The following GRIA4 variants were observed in gnomAD, a reference collection of about 807,000 sequenced individuals.
GRIA4 encodes glutamate receptor 4.
A neutral mutation model predicts 104.0 loss-of-function variants in GRIA4; 34 were observed. The observed-to-expected ratio is 0.33, with a 90% CI of 0.25 to 0.44. The LOEUF (loss-of-function observed/expected upper bound fraction) is 0.44, where lower values mean the gene tolerates loss of function less well. Ranked by LOEUF, GRIA4 falls within the 20% of genes least tolerant of loss-of-function variation. The probability of loss-of-function intolerance (pLI) is 1.00; values close to 1 mark genes in which losing one functional copy is unlikely to be tolerated. For missense variants in GRIA4, 750 were observed against 1,096.5 expected (o/e 0.68, Z 4.46); for synonymous variants, 386 against 381.9 (o/e 1.01, Z -0.13).
At chr11:105,858,575 C>T (rs1945103360) in intron 4 of GRIA4, among the ~76,000 whole-genome samples, 1 of 152,060 alleles carries the variant, frequency 6.6e-6, no homozygotes, top group East Asian at 1.9e-4. Flanking sequence ...TTTAGTCACC[C>T]TGTTGTGCTA....
At chr11:105,754,865 A>T (rs1235444707) in intron 4 of GRIA4, among the ~76,000 whole-genome samples, 2 of 152,218 alleles carry the variant, frequency 1.3e-5, no homozygotes, top group Non-Finnish European at 2.9e-5. Flanking sequence ...AGGTTCCTAA[A>T]TATCTTGTAT....
At chr11:105,643,684 C>T (rs1191491781) in intron 3 of GRIA4, among the ~76,000 whole-genome samples, 3 of 152,010 alleles carry the variant, frequency 2.0e-5, no homozygotes, top group African/African-American at 4.8e-5. Context: ...AATATTCCTG[C>T]CTCAGGTTTT....
intron 3 of GRIA4, among the ~76,000 whole-genome samples, chr11:105,667,375 C>T (rs539271615): frequency 2.2e-4 from 33 of 151,908 alleles, no homozygotes; most frequent in South Asian, 1.0e-3. Flanking sequence ...ATATCAAAGA[C>T]GGGCCTAATC....
intron 3 of GRIA4, among the ~76,000 whole-genome samples, chr11:105,725,694 C>A (rs1363835806): frequency 5.3e-5 from 8 of 152,048 alleles, no homozygotes; most frequent in Non-Finnish European, 1.2e-4. Flanking sequence ...ACTGAGGAAA[C>A]CGGTTCATCT....
intron 3 of GRIA4, among the ~76,000 whole-genome samples, chr11:105,662,011 G>GTGTGTC (rs1421275109): frequency 6.6e-6 from 1 of 151,346 alleles, no homozygotes; most frequent in East Asian, 1.9e-4. Flanking sequence ...GTGTGTTTGT[G>GTGTGTC]TGTGTGTGTG....
At chr11:105,822,012 T>G (rs1400494941) in intron 4 of GRIA4, among the ~76,000 whole-genome samples, 1 of 152,146 alleles carries the variant, frequency 6.6e-6, no homozygotes, top group East Asian at 1.9e-4. Context: ...ATCCTTTTGC[T>G]GTAGAACAAT....
intron 4 of GRIA4, among the ~76,000 whole-genome samples, chr11:105,807,299 A>G (rs1364184454): frequency 6.6e-6 from 1 of 151,942 alleles, no homozygotes; most frequent in Admixed American, 6.6e-5. Flanking sequence ...ATAAGAATGA[A>G]AGAGGGTAAA....
chr11:105,805,968 A>T (rs1268968747), intron 4 of GRIA4, among the ~76,000 whole-genome samples: 1 of 151,894 alleles, frequency 6.6e-6, no homozygotes, highest in Non-Finnish European at 1.5e-5. Flanking sequence ...CCTTAAAACA[A>T]CAAAGAACCA....
At chr11:105,880,658 T>G (rs1946018103) in intron 5 of GRIA4, among the ~76,000 whole-genome samples, 1 of 152,142 alleles carries the variant, frequency 6.6e-6, no homozygotes, top group South Asian at 2.1e-4. Flanking sequence ...AGAATGGATA[T>G]TCACAAGTGA....
chr11:105,744,544 A>C (rs1258043847), intron 3 of GRIA4, among the ~76,000 whole-genome samples: 2 of 152,174 alleles, frequency 1.3e-5, no homozygotes, highest in Non-Finnish European at 2.9e-5. Context: ...TAAGGCTTGC[A>C]GTTTGCTGAG....
chr11:105,875,007 T>A (rs975708763), intron 5 of GRIA4, among the ~76,000 whole-genome samples: 1 of 152,244 alleles, frequency 6.6e-6, no homozygotes, highest in African/African-American at 2.4e-5. Context: ...TCAAAGGGAA[T>A]GCTTCCAGCT....
intron 3 of GRIA4, among the ~76,000 whole-genome samples, chr11:105,748,661 G>T (rs980235371): frequency 1.3e-5 from 2 of 152,116 alleles, no homozygotes; most frequent in East Asian, 3.9e-4. Context: ...GGGATTACAG[G>T]CATGAGCCAC....
chr11:105,804,842 T>C (rs1242842447), intron 4 of GRIA4, among the ~76,000 whole-genome samples: 2 of 151,956 alleles, frequency 1.3e-5, no homozygotes, highest in Non-Finnish European at 2.9e-5. Flanking sequence ...GTAAAGATCA[T>C]TGCAGTGGGA....
chr11:105,648,528 T>A lies in GRIA4; in HGVS notation c.247+36094T>A, dbSNP rs561236332. The stretch of plus-strand genomic sequence containing the variant: ...CCTCAAAGAGTTTAAAGATAAAATA[T>A]TTGCAAAGATATCAATAAATGCAAA... On this transcript the variant is annotated intron_variant, in intron 3 of 16. Transcript: ENST00000282499. 3.4e-3 allele frequency among the ~76,000 whole-genome samples: 512 copies of A among 151,006 alleles called. 3 individuals are homozygous for A. The highest frequency in any genetic ancestry group is 0.012 in the African/African-American group (489 of 41,194).
intron 5 of GRIA4, among the ~76,000 whole-genome samples, chr11:105,885,309 C>T (rs1412755685): frequency 6.6e-6 from 1 of 152,172 alleles, no homozygotes; most frequent in East Asian, 1.9e-4. Flanking sequence ...ATTTCATAAA[C>T]CGAGCTTTCT....
intron 3 of GRIA4, among the ~76,000 whole-genome samples, chr11:105,721,186 A>G (rs1937789605): frequency 6.6e-6 from 1 of 152,292 alleles, no homozygotes; most frequent in South Asian, 2.1e-4. Flanking sequence ...AAGAATCTTG[A>G]GAGATTCATT....
intron 3 of GRIA4, among the ~76,000 whole-genome samples, chr11:105,670,763 TGTATTA>T (rs1382181636): frequency 9.2e-5 from 14 of 152,270 alleles, no homozygotes; most frequent in Non-Finnish European, 1.3e-4. Flanking sequence ...CAATGCCTTC[TGTATTA>T]GCTTACTGTG....
At chr11:105,764,051 G>A (rs1309348863) in intron 4 of GRIA4, among the ~76,000 whole-genome samples, 2 of 152,300 alleles carry the variant, frequency 1.3e-5, no homozygotes, top group Admixed American at 1.3e-4. Flanking sequence ...ATAGTACATA[G>A]AATCTGAAAG....
intron 3 of GRIA4, among the ~76,000 whole-genome samples, chr11:105,743,993 A>G (rs1375729231): frequency 1.3e-5 from 2 of 152,132 alleles, no homozygotes; most frequent in Non-Finnish European, 2.9e-5. Context: ...ACAATAGCCT[A>G]CTTACTGGTT....
Sources: allele counts gnomAD v4.1 joint callset (sites outside exome capture counted in the v4.1 genomes callset), GRCh38; gene constraint gnomAD v4.1.1; transcripts MANE v1.5; gene names NCBI Gene and HGNC (gene_info 2026-07-23, HGNC 2026-07-21).